The following SLC4A1 variants were observed in gnomAD, a reference collection of about 807,000 sequenced individuals.
The protein encoded by SLC4A1 is solute carrier family 4 member 1 (Diego blood group), also known as band 3 anion transport protein.
In SLC4A1, 29 loss-of-function variants were observed where a neutral mutation model predicts 93.1. That is an observed-to-expected ratio of 0.31 (90% CI 0.23 to 0.42). The LOEUF (loss-of-function observed/expected upper bound fraction) is 0.42. SLC4A1 is among the 20% of genes least tolerant of loss of function. The pLI, the probability that SLC4A1 is intolerant of heterozygous loss-of-function variation, is 1.00. For missense variants in SLC4A1, 965 were observed against 1,190.1 expected (o/e 0.81, Z 2.78); for synonymous variants, 469 against 497.2 (o/e 0.94, Z 0.76).
At chr17:44,259,707 G>C (rs143887244) in intron 7 of SLC4A1, 102 bp downstream of exon 7, 1 of 1,573,518 alleles carries the variant, frequency 6.4e-7, no homozygotes, top group Middle Eastern at 1.7e-4. Context: ...AGTGCTTCTG[G>C]TCCCCTGCTT....
Position 44,251,244 on chromosome 17 carries a change from A to G in SLC4A1, c.2570T>C (p.Leu857Pro), listed in dbSNP as rs2047336427. 1.9e-6 allele frequency: 3 copies of G among 1,614,088 alleles called. No individual in the cohort carries two copies. In the South Asian group the frequency reaches 3.3e-5, roughly 18 times the overall value. Residue 857 changes from leucine to proline, a missense_variant, in exon 19 of 20, where the codon CTG (leucine) becomes CCG (proline). Transcript: ENST00000262418. ...LWVVKSTPAS[L>P]ALPFVLILTV... ...GAGGATGAGGACGAAGGGCAGGGCC[A>G]GGGAGGCCGGCGTGGACTTCACCAC... is the stretch of plus-strand genomic sequence containing the variant.
At chr17:44,262,060 C>T (rs771808031) in intron 3 of SLC4A1, 6 of 1,132,790 alleles carry the variant, frequency 5.3e-6, no homozygotes, top group Non-Finnish European at 6.6e-6. Context: ...CAGTGTCTCA[C>T]TGAGCTGAGG....
At chr17:44,253,067 C>G (rs548319042) in intron 17 of SLC4A1, 51 bp downstream of exon 17, 1 of 1,587,904 alleles carries the variant, frequency 6.3e-7, no homozygotes, top group Non-Finnish European at 8.5e-7. Flanking sequence ...GGGAAGGGGC[C>G]GGGGGTGAGG....
intron 1 of SLC4A1, among the ~76,000 whole-genome samples, chr17:44,267,440 C>T (rs1202415561): frequency 6.6e-6 from 1 of 152,216 alleles, no homozygotes; most frequent in Non-Finnish European, 1.5e-5. Context: ...AAAATGTTTG[C>T]TGTCATTATC....
chr17:44,265,837 C>G (rs934411017), intron 1 of SLC4A1, among the ~76,000 whole-genome samples: 1 of 151,996 alleles, frequency 6.6e-6, no homozygotes, highest in African/African-American at 2.4e-5. Context: ...AAAAATTAGC[C>G]AGGCGTGGTG....
Position 44,258,285 on chromosome 17 carries a change from G to C in SLC4A1, c.1088-105C>G, listed in dbSNP as rs193073352. ...GATTGTCTGATGGGAATGGGGCGGC[G>C]AAGAAGTCTGGAAGATGTGGGCAAA... On this transcript the variant is annotated intron_variant, in intron 10 of 19. Coordinates refer to ENST00000262418, the MANE Select transcript of SLC4A1 (RefSeq NM_000342.4). This position sits in a 1 kb window ranked among gnomAD's most constrained non-coding sequence, Gnocchi z 6.1. 32 of 1,424,004 alleles carry C rather than the reference G, an allele frequency of 2.2e-5. No homozygotes were observed. The highest frequency in any genetic ancestry group is 3.1e-5 in the Non-Finnish European group (31 of 1,009,844). 88.2% of individuals were successfully genotyped at this position (1,424,004 alleles called of 1,614,324 possible).
intron 17 of SLC4A1, among the ~76,000 whole-genome samples, chr17:44,252,045 G>GTTTT (rs1261874766): frequency 7.7e-6 from 1 of 129,714 alleles, no homozygotes; most frequent in African/African-American, 3.2e-5. Context: ...ATTCCTATGG[G>GTTTT]TCTTTTTTTT....
intron 13 of SLC4A1, among the ~76,000 whole-genome samples, chr17:44,256,216 A>G (rs1357219057): frequency 6.6e-6 from 1 of 151,088 alleles, no homozygotes. Context: ...CCATCCATCT[A>G]TCTTCTTCCT....
rs67064853 is a variant in SLC4A1 at position 44,251,720 on chromosome 17, C to CTTTTT, written c.2312-137_2312-133dup. 501 of 392,842 alleles carry CTTTTT rather than the reference C, an allele frequency of 1.3e-3. 4 individuals carry two copies. The highest frequency in any genetic ancestry group is 3.6e-3 in the African/African-American group (117 of 32,814). The allele number at this position is 392,842 out of a possible 1,614,324, so 24.3% of individuals were successfully genotyped here. On this transcript the variant is annotated intron_variant, in intron 17 of 19. Transcript: ENST00000262418. ...GCCATTTCTTTTTTCCTTTTCTTTT[C>CTTTTT]TTTTTTTTTTTTTTTTTTTGTTTTT...
At position 44,260,475 on chromosome 17, in the gene SLC4A1, C is replaced by T; in HGVS notation, c.414G>A (p.Arg138=). The T allele has an allele frequency of 1.2e-6, 2 of 1,614,150 alleles. No homozygotes were observed. Among genetic ancestry groups the T allele is most frequent in the Non-Finnish European group, 8.5e-7 (1 of 1,180,006 alleles). The change falls in exon 6 of 20, where the codon AGG becomes AGA. Residue 138 remains arginine (R), a synonymous_variant. Transcript: ENST00000262418. ...GCCGGATCTGGTCTTCAAAGATAAA[C>T]CTGTCTAGCAGTTGGTTGGCCACTC... ...LAGVANQLLD[R]FIFEDQIRPQ...
chr17:44,261,896 C>T, intron 3 of SLC4A1: 1 of 1,046,218 alleles, frequency 9.6e-7, no homozygotes, highest in Non-Finnish European at 1.3e-6. Context: ...GGCCTAGCCC[C>T]TCCGCAGTGA....
chr17:44,263,540 G>A (rs553725165), intron 1 of SLC4A1, among the ~76,000 whole-genome samples: 16 of 152,034 alleles, frequency 1.1e-4, no homozygotes, highest in African/African-American at 3.9e-4. Context: ...CTGTCCCAGG[G>A]CCTTTGCACA....
intron 17 of SLC4A1, 132 bp from the exon 18 acceptor site, chr17:44,251,720 CT>C (rs67064853): frequency 0.01 from 3,924 of 391,332 alleles, 1 homozygote; most frequent in African/African-American, 0.029. Flanking sequence ...CTTTTCTTTT[CT>C]TTTTTTTTTT....
rs149588284 is a variant in SLC4A1, at chr17:44,250,311, G to A, written c.*147C>T. 84 of 697,800 alleles carry A rather than the reference G, an allele frequency of 1.2e-4. No individual in the cohort carries two copies. The Middle Eastern group carries it at 1.6e-3, about 14-fold the overall frequency. 43.2% of individuals were successfully genotyped at this position (697,800 alleles called of 1,614,324 possible). A position where few individuals can be genotyped will look rare whatever the true frequency, so the allele number is the denominator to read the frequency against. ...CCTTTGTGGAAGGTCTCCTGGACAC[G>A]CCTTCCTTCCCCACCCACAGCCCTG... On this transcript the variant is annotated 3_prime_UTR_variant, in exon 20 of 20. Transcript: ENST00000262418.
At chr17:44,250,640 C>T in intron 19 of SLC4A1, 102 bp from the exon 20 acceptor site, 2 of 858,698 alleles carry the variant, frequency 2.3e-6, no homozygotes, top group East Asian at 5.1e-5. Context: ...GAGGGTCTGG[C>T]TGTCTTGAAC....
chr17:44,251,905 T>G (rs1373714291), intron 17 of SLC4A1, among the ~76,000 whole-genome samples: 2 of 150,994 alleles, frequency 1.3e-5, no homozygotes, highest in African/African-American at 2.4e-5. Context: ...GGATCATTTT[T>G]TTTTTTTTTA....
chr17:44,252,476 G>A (rs1018838710), intron 17 of SLC4A1, among the ~76,000 whole-genome samples: 1 of 152,126 alleles, frequency 6.6e-6, no homozygotes, highest in African/African-American at 2.4e-5. Context: ...TTAACCTAAT[G>A]AGGGTCACAG....
chr17:44,263,332 C>A (rs1269753110), intron 1 of SLC4A1, among the ~76,000 whole-genome samples: 1 of 152,144 alleles, frequency 6.6e-6, no homozygotes, highest in Non-Finnish European at 1.5e-5. Context: ...CCCTGAGGGG[C>A]TCTAAACACA....
intron 17 of SLC4A1, 83 bp downstream of exon 17, chr17:44,253,035 G>A (rs2047356383): frequency 6.9e-7 from 1 of 1,454,524 alleles, no homozygotes; most frequent in Admixed American, 1.7e-5. Flanking sequence ...AGGAGGTGCT[G>A]GGTCCGAACA....
Sources: allele counts gnomAD v4.1 joint callset (sites outside exome capture counted in the v4.1 genomes callset), GRCh38; gene constraint gnomAD v4.1.1; non-coding constraint Gnocchi (gnomAD v3.1); transcripts MANE v1.5; gene names NCBI Gene and HGNC (gene_info 2026-07-23, HGNC 2026-07-21).